Variants in WDR27 observed in about 807,000 individuals in gnomAD.
The protein encoded by WDR27 is WD repeat-containing protein 27.
A neutral mutation model predicts 114.4 loss-of-function variants in WDR27; 100 were observed. The ratio of observed to expected loss-of-function variants is 0.87; its 90% CI spans 0.74 to 1.03. The LOEUF is 1.03. Among genes scored for constraint, WDR27 ranks in the 50% least tolerant of loss-of-function variants. The pLI, the probability that WDR27 is intolerant of heterozygous loss-of-function variation, is 0.00. For synonymous variants in WDR27, 449 were observed against 423.1 expected (o/e 1.06, Z -0.75); for missense variants, 1,129 against 1,092.9 (o/e 1.03, Z -0.47).
chr6:169,465,425 A>C (rs894733725), intron 25 of WDR27, among the ~76,000 whole-genome samples: 4 of 152,206 alleles, frequency 2.6e-5, no homozygotes, highest in Non-Finnish European at 5.9e-5. Context: ...GAGAAAGTTA[A>C]ACTTTTGTTC....
At chr6:169,657,176 T>C (rs1343536381) in intron 13 of WDR27, among the ~76,000 whole-genome samples, 2 of 152,148 alleles carry the variant, frequency 1.3e-5, no homozygotes, top group Non-Finnish European at 2.9e-5. Context: ...CAGGCTCAGC[T>C]CTGAGTCCCC....
intron 25 of WDR27, among the ~76,000 whole-genome samples, chr6:169,506,905 T>G (rs938623580): frequency 1.3e-4 from 20 of 152,232 alleles, no homozygotes; most frequent in Admixed American, 1.2e-3. Flanking sequence ...AATGTGTACC[T>G]TTATTAAATG....
chr6:169,513,823 C>T (rs907547252), intron 25 of WDR27, among the ~76,000 whole-genome samples: 4 of 151,880 alleles, frequency 2.6e-5, no homozygotes, highest in Non-Finnish European at 5.9e-5. Flanking sequence ...ATCCCTGTGC[C>T]AATAGACATG....
chr6:169,490,185 G>A (rs1789560888), intron 25 of WDR27, among the ~76,000 whole-genome samples: 1 of 152,220 alleles, frequency 6.6e-6, no homozygotes, highest in Non-Finnish European at 1.5e-5. Flanking sequence ...CTAGATTCAA[G>A]TAATCATGTT....
chr6:169,531,613 G>A (rs1407308157), intron 25 of WDR27, among the ~76,000 whole-genome samples: 4 of 151,824 alleles, frequency 2.6e-5, no homozygotes, highest in African/African-American at 9.7e-5. Flanking sequence ...CACAGCAGGT[G>A]CACAGGGCAG....
At chr6:169,574,084 T>G (rs1415587417) in intron 24 of WDR27, among the ~76,000 whole-genome samples, 2 of 152,242 alleles carry the variant, frequency 1.3e-5, no homozygotes, top group African/African-American at 4.8e-5. Flanking sequence ...CATCCCTAAG[T>G]CACATCTGAC....
chr6:169,637,204 CA>C (rs1040832619), intron 18 of WDR27, among the ~76,000 whole-genome samples: 4 of 152,270 alleles, frequency 2.6e-5, no homozygotes, highest in Admixed American at 2.6e-4. Context: ...GTTCTGCTCC[CA>C]AATGATCTCC....
intron 25 of WDR27, among the ~76,000 whole-genome samples, chr6:169,503,824 A>G (rs915163354): frequency 6.6e-6 from 1 of 151,770 alleles, no homozygotes; most frequent in Non-Finnish European, 1.5e-5. Context: ...TGCCACTTCC[A>G]TAAGATTTCA....
intron 22 of WDR27, among the ~76,000 whole-genome samples, chr6:169,606,403 CA>C (rs1373846587): frequency 6.6e-6 from 1 of 152,142 alleles, no homozygotes; most frequent in East Asian, 1.9e-4. Flanking sequence ...CTGCACAGAT[CA>C]ACCCATCACC....
chr6:169,651,350 T>C (rs1822508845), intron 14 of WDR27, among the ~76,000 whole-genome samples: 1 of 151,432 alleles, frequency 6.6e-6, no homozygotes, highest in South Asian at 2.1e-4. Context: ...AGTCAAGAGG[T>C]GAGGTAGGAG....
intron 21 of WDR27, among the ~76,000 whole-genome samples, chr6:169,615,079 A>C (rs577847166): frequency 3.9e-5 from 6 of 152,358 alleles, no homozygotes; most frequent in Admixed American, 3.3e-4. Flanking sequence ...ATTCAGGATA[A>C]GTAGAAAGCG....
intron 25 of WDR27, among the ~76,000 whole-genome samples, chr6:169,526,926 T>C (rs1216766351): frequency 6.6e-6 from 1 of 152,194 alleles, no homozygotes; most frequent in Non-Finnish European, 1.5e-5. Flanking sequence ...CATTAATTAT[T>C]ATGGAAATGC....
rs540324525 is a variant in WDR27 at position 169,518,272 on chromosome 6, T to C, written c.2645+54147A>G. Among the ~76,000 whole-genome samples, 4 of 152,372 alleles carry C rather than the reference T, an allele frequency of 2.6e-5. No individual in the cohort carries two copies. In the South Asian group the frequency reaches 8.3e-4, roughly 32 times the overall value. On this transcript the variant is annotated intron_variant, in intron 25 of 25. Coordinates refer to ENST00000448612, the MANE Select transcript of WDR27 (RefSeq NM_182552.5). ...CCCTCTTGGGGACTCTGTGTGGGTC[T>C]AGCAACCCTGAATTTCCCCTCTGAA...
At chr6:169,431,469 CTT>C in the WDR27 span, among the ~76,000 whole-genome samples, 118 of 152,248 alleles carry the variant, frequency 7.8e-4, 2 homozygotes, top group South Asian at 0.016. Context: ...CTATGTGAGT[CTT>C]TCTTGGATGG....
chr6:169,599,985 G>C (rs1807622944), intron 23 of WDR27, among the ~76,000 whole-genome samples: 1 of 152,080 alleles, frequency 6.6e-6, no homozygotes, highest in African/African-American at 2.4e-5. Context: ...TGGTTTCAAA[G>C]AACATCTTTA....
At chr6:169,435,236 G>T in the WDR27 span, among the ~76,000 whole-genome samples, 1,375 of 152,356 alleles carry the variant, frequency 9.0e-3, 14 homozygotes, top group African/African-American at 0.022. Flanking sequence ...CTAGGCAGAA[G>T]TTTGCTGCAG....
intron 25 of WDR27, among the ~76,000 whole-genome samples, chr6:169,490,111 C>T (rs1562486702): frequency 1.3e-5 from 2 of 152,196 alleles, no homozygotes; most frequent in South Asian, 2.1e-4. Context: ...ACACTTGTCA[C>T]CACTAAAGGG....
At chr6:169,683,596 GC>G (rs1391048502) in intron 2 of WDR27, among the ~76,000 whole-genome samples, 12 of 151,944 alleles carry the variant, frequency 7.9e-5, no homozygotes, top group African/African-American at 2.9e-4. Context: ...GAAGAGCACT[GC>G]AACACAGCAG....
chr6:169,597,798 A>G (rs963716486), intron 23 of WDR27, among the ~76,000 whole-genome samples: 2 of 151,662 alleles, frequency 1.3e-5, no homozygotes, highest in African/African-American at 4.8e-5. Context: ...AAAGTTTTCA[A>G]GTTTTTATCT....
Sources: gnomAD v4.1 joint callset for allele counts (sites outside exome capture counted in the v4.1 genomes callset) on GRCh38, gnomAD v4.1.1 for gene constraint, MANE v1.5 for transcripts, NCBI Gene and HGNC (gene_info 2026-07-23, HGNC 2026-07-21) for gene names.